The following TMEM266 variants were observed in gnomAD, a reference collection of about 807,000 sequenced individuals.
TMEM266 encodes the protein transmembrane protein 266.
A neutral mutation model predicts 50.5 loss-of-function variants in TMEM266; 33 were observed. That is an observed-to-expected ratio of 0.65 (90% CI 0.50 to 0.87). The LOEUF (loss-of-function observed/expected upper bound fraction) is 0.87. Among genes scored for constraint, TMEM266 ranks in the 40% least tolerant of loss-of-function variants. The pLI is 0.00. For synonymous variants in TMEM266, 310 were observed against 292.3 expected, an observed-to-expected ratio of 1.06 and a Z score of -0.62; for missense variants, 655 against 695.1, an observed-to-expected ratio of 0.94 and a Z score of 0.65.
chr15:76,148,398 C>T (rs1162887491), intron 3 of TMEM266, among the ~76,000 whole-genome samples: 1 of 152,198 alleles, frequency 6.6e-6, no homozygotes, highest in Non-Finnish European at 1.5e-5. Flanking sequence ...AAGCTGACCG[C>T]CTCCAGGCCA....
At chr15:76,180,177 C>T (rs1308041230) in intron 8 of TMEM266, among the ~76,000 whole-genome samples, 1 of 152,184 alleles carries the variant, frequency 6.6e-6, no homozygotes, top group Non-Finnish European at 1.5e-5. Flanking sequence ...TAACATCATA[C>T]ACTAGTATCA....
intron 10 of TMEM266, among the ~76,000 whole-genome samples, chr15:76,202,756 C>T (rs2142093345): frequency 6.6e-6 from 1 of 152,216 alleles, no homozygotes; most frequent in East Asian, 1.9e-4. Context: ...ACGCTGAGGC[C>T]TTGGGTGTCT....
At position 76,204,253 on chromosome 15, in the gene TMEM266, G is replaced by A; in HGVS notation, c.1534G>A (p.Glu512Lys). ...CTTCCAGCCCACTGTGCCCATGCTG[G>A]AGGACAAGTTCAGATCTTTGGAATC... is the stretch of plus-strand genomic sequence containing the variant. Residue 512 changes from glutamate to lysine, a missense_variant, in exon 11 of 11, where the codon GAG becomes AAG. Physicochemically the swap from Glu to Lys is moderately conservative, Grantham distance 56. Around this residue, in one of 3 missense-constraint regions of TMEM266, gnomAD observed 455 missense variants for 401.8 expected, o/e 1.13. Coordinates refer to ENST00000388942, the MANE Select transcript of TMEM266 (RefSeq NM_152335.3). 6.2e-7 allele frequency: 1 copy of A among 1,613,980 alleles called. No homozygotes were observed. Among genetic ancestry groups the A allele is most frequent in the Non-Finnish European group, 8.5e-7 (1 of 1,179,968 alleles).
chr15:76,141,562 A>G (rs545985699), intron 3 of TMEM266, among the ~76,000 whole-genome samples: 1 of 152,278 alleles, frequency 6.6e-6, no homozygotes, highest in South Asian at 2.1e-4. Context: ...TTAAAAAAGC[A>G]TTTTTTAAAA....
chr15:76,079,128 G>A (rs978297770), intron 1 of TMEM266, among the ~76,000 whole-genome samples: 8 of 152,140 alleles, frequency 5.3e-5, no homozygotes, highest in Non-Finnish European at 7.3e-5. Context: ...CTAAGTGGGC[G>A]GATCACTTGA....
intron 8 of TMEM266, among the ~76,000 whole-genome samples, chr15:76,182,560 C>T (rs111321248): frequency 0.11 from 16,288 of 151,964 alleles, 1,078 homozygotes; most frequent in South Asian, 0.16. Flanking sequence ...AGGAGAATGG[C>T]ATGAACCTGG....
intron 9 of TMEM266, among the ~76,000 whole-genome samples, chr15:76,201,694 T>C (rs1432558332): frequency 6.6e-6 from 1 of 152,186 alleles, no homozygotes; most frequent in African/African-American, 2.4e-5. Context: ...CCCAGGTCTG[T>C]TCCTATACTG....
At chr15:76,126,595 G>A (rs1430112632) in intron 1 of TMEM266, among the ~76,000 whole-genome samples, 2 of 150,848 alleles carry the variant, frequency 1.3e-5, no homozygotes, top group Non-Finnish European at 3.0e-5. Context: ...GCAGTGGCAT[G>A]ATCTCGGCTC....
intron 3 of TMEM266, among the ~76,000 whole-genome samples, chr15:76,143,512 TTTTC>T (rs2037712587): frequency 6.6e-6 from 1 of 152,164 alleles, no homozygotes; most frequent in African/African-American, 2.4e-5. Context: ...GACCTCCTGA[TTTTC>T]TTTTTTATTT....
At chr15:76,080,533 G>A (rs1285441364) in intron 1 of TMEM266, among the ~76,000 whole-genome samples, 2 of 151,180 alleles carry the variant, frequency 1.3e-5, no homozygotes, top group African/African-American at 2.4e-5. Flanking sequence ...ACAGGCGTGA[G>A]CCACCGTGCC....
intron 1 of TMEM266, among the ~76,000 whole-genome samples, chr15:76,118,243 C>A (rs538396988): frequency 6.6e-6 from 1 of 152,326 alleles, no homozygotes; most frequent in Admixed American, 6.5e-5. Flanking sequence ...CATCATACTG[C>A]CTTGGGCCCT....
intron 8 of TMEM266, chr15:76,176,359 T>TC (rs1328955200): frequency 6.6e-6 from 1 of 152,580 alleles, no homozygotes; most frequent in Non-Finnish European, 1.5e-5. Flanking sequence ...ACAGAGGAGT[T>TC]CAGAGGAGGG....
At chr15:76,187,343 T>C (rs1250955562) in intron 8 of TMEM266, among the ~76,000 whole-genome samples, 1 of 152,210 alleles carries the variant, frequency 6.6e-6, no homozygotes, top group Non-Finnish European at 1.5e-5. Flanking sequence ...CAATAATGCA[T>C]CCCTTCAGAG....
chr15:76,117,768 C>T (rs2037273417), intron 1 of TMEM266, among the ~76,000 whole-genome samples: 1 of 152,120 alleles, frequency 6.6e-6, no homozygotes, highest in Non-Finnish European at 1.5e-5. Flanking sequence ...GGAGAGGAGA[C>T]TGGAACGAAC....
chr15:76,175,619 A>G lies in TMEM266; in HGVS notation c.713A>G (p.Lys238Arg), dbSNP rs2038262417. ...GTTATCCAGCAGTACGAGAAGGCCA[A>G]GGTCATCCAAGACGAGCAGCTGGAG... Residue 238 changes from lysine to arginine, a missense_variant, in exon 8 of 11, where the codon AAG becomes AGG. Around this residue, in one of 3 missense-constraint regions of TMEM266, gnomAD observed 455 missense variants for 401.8 expected, o/e 1.13. Transcript: ENST00000388942. 6.2e-7 allele frequency: 1 copy of G among 1,614,240 alleles called. No homozygotes were observed. The highest frequency in any genetic ancestry group is 8.5e-7 in the Non-Finnish European group (1 of 1,180,028).
intron 8 of TMEM266, among the ~76,000 whole-genome samples, chr15:76,181,833 C>T (rs987609862): frequency 2.6e-5 from 4 of 152,204 alleles, no homozygotes; most frequent in Admixed American, 2.0e-4. Flanking sequence ...TGCGTGGGAT[C>T]TCGCTCTAGT....
rs1471882321 is a variant in TMEM266 at position 76,161,983 on chromosome 15, T to G, written c.456+1815T>G. Among the ~76,000 whole-genome samples, 2 of 152,240 alleles carry G rather than the reference T, an allele frequency of 1.3e-5. No individual in the cohort carries two copies. The highest frequency in any genetic ancestry group is 2.9e-5 in the Non-Finnish European group (2 of 68,034). On this transcript the variant is annotated intron_variant, in intron 5 of 10. Transcript: ENST00000388942. The surrounding 1 kb of genome is among the most constrained non-coding windows in gnomAD (Gnocchi z 4.1). The stretch of plus-strand genomic sequence containing the variant: ...TTAGTTTTATTGGCTTTTGCAGAAT[T>G]TATTGCCCAGCGTTAATTTGGCATT...
chr15:76,110,095 G>A (rs977583322), intron 1 of TMEM266, among the ~76,000 whole-genome samples: 4 of 152,122 alleles, frequency 2.6e-5, no homozygotes, highest in Admixed American at 6.5e-5. Context: ...TGTCTCCTGG[G>A]TTCAAGCGAT....
At chr15:76,154,801 C>T (rs1567169545) in intron 3 of TMEM266, among the ~76,000 whole-genome samples, 1 of 152,206 alleles carries the variant, frequency 6.6e-6, no homozygotes, top group Non-Finnish European at 1.5e-5. Flanking sequence ...AGCCCAGTGT[C>T]CTGCCAGGTT....
Sources: allele counts gnomAD v4.1 joint callset (sites outside exome capture counted in the v4.1 genomes callset), GRCh38; gene constraint gnomAD v4.1.1; regional missense constraint gnomAD v4.1.1; non-coding constraint Gnocchi (gnomAD v3.1); transcripts MANE v1.5; gene names NCBI Gene and HGNC (gene_info 2026-07-23, HGNC 2026-07-21).